EFCAB6: variants seen among roughly 807,000 people sequenced by gnomAD.
The protein encoded by EFCAB6 is EF-hand calcium-binding domain-containing protein 6.
EFCAB6 carries 156 observed loss-of-function variants against 169.8 expected under a neutral mutation model. The ratio of observed to expected loss-of-function variants is 0.92; its 90% CI spans 0.81 to 1.05. The LOEUF (loss-of-function observed/expected upper bound fraction) is 1.05. EFCAB6 is among the 50% of genes least tolerant of loss of function. The pLI, the probability that EFCAB6 is intolerant of heterozygous loss-of-function variation, is 0.00. For missense variants in EFCAB6, 1,800 were observed against 1,829.1 expected, an observed-to-expected ratio of 0.98 and a Z score of 0.29; for synonymous variants, 698 against 676.4, an observed-to-expected ratio of 1.03 and a Z score of -0.50.
intron 26 of EFCAB6, among the ~76,000 whole-genome samples, chr22:43,564,996 G>A (rs2049332286): frequency 6.6e-6 from 1 of 152,214 alleles, no homozygotes; most frequent in East Asian, 1.9e-4. Context: ...CACCCTGTCT[G>A]TGTGCATGCC....
chr22:43,609,228 T>C (rs2053138210), intron 21 of EFCAB6, among the ~76,000 whole-genome samples: 1 of 152,200 alleles, frequency 6.6e-6, no homozygotes, highest in Non-Finnish European at 1.5e-5. Flanking sequence ...TGATACTTAA[T>C]AGTGAAAGAA....
At chr22:43,613,027 A>G (rs1481668240) in intron 21 of EFCAB6, among the ~76,000 whole-genome samples, 1 of 150,516 alleles carries the variant, frequency 6.6e-6, no homozygotes, top group Non-Finnish European at 1.5e-5. Flanking sequence ...TTCCTCAAAG[A>G]GCTAAAAACA....
chr22:43,537,198 ATCC>A lies in EFCAB6; in HGVS notation c.4048+176_4048+178del. On this transcript the variant is annotated intron_variant, in intron 29 of 31. Coordinates refer to ENST00000262726, the MANE Select transcript of EFCAB6 (RefSeq NM_022785.4). The surrounding 1 kb of genome is among the most constrained non-coding windows in gnomAD (Gnocchi z 4.3). The stretch of plus-strand genomic sequence containing the variant: ...CTGCTGGGAGGGCCGGGTAGTCGGA[ATCC>A]TCCTCCATGGGGACCTTTGTATAGT... The A allele has an allele frequency of 1.5e-6, 1 of 685,886 alleles. No individual in the cohort carries two copies. The allele number at this position is 685,886 out of a possible 1,614,324, so 42.5% of individuals were successfully genotyped here. A position where few individuals can be genotyped will look rare whatever the true frequency, so the allele number is the denominator to read the frequency against.
chr22:43,751,445 C>A (rs2060758745), intron 6 of EFCAB6, among the ~76,000 whole-genome samples: 1 of 152,210 alleles, frequency 6.6e-6, no homozygotes, highest in Non-Finnish European at 1.5e-5. Flanking sequence ...CACACTGCAT[C>A]TTTGTTCAAG....
chr22:43,784,541 G>GTGTGTGTGTGTATATA (rs1556409935), intron 2 of EFCAB6, among the ~76,000 whole-genome samples: 2 of 79,722 alleles, frequency 2.5e-5, no homozygotes, highest in African/African-American at 9.1e-5. Context: ...GTGTGTGTGT[G>GTGTGTGTGTGTATATA]TGTATATGTA....
At chr22:43,756,670 C>A (rs1018535531) in intron 5 of EFCAB6, among the ~76,000 whole-genome samples, 9 of 152,034 alleles carry the variant, frequency 5.9e-5, no homozygotes, top group Non-Finnish European at 1.2e-4. Context: ...GGGAAATAAG[C>A]AAACAAGTAA....
At chr22:43,664,537 G>A (rs2057154477) in intron 17 of EFCAB6, among the ~76,000 whole-genome samples, 1 of 152,208 alleles carries the variant, frequency 6.6e-6, no homozygotes, top group South Asian at 2.1e-4. Context: ...GGTGAGGAGG[G>A]TGGACTGCAT....
chr22:43,671,233 C>A (rs1369682358), intron 15 of EFCAB6, among the ~76,000 whole-genome samples: 1 of 152,006 alleles, frequency 6.6e-6, no homozygotes, highest in Non-Finnish European at 1.5e-5. Context: ...TGGAGTTTTG[C>A]TCTAGTTGCC....
intron 2 of EFCAB6, among the ~76,000 whole-genome samples, chr22:43,798,434 A>G (rs2062590294): frequency 6.6e-6 from 1 of 152,066 alleles, no homozygotes; most frequent in African/African-American, 2.4e-5. Flanking sequence ...CTGAGAACTG[A>G]GGCCCTAAAT....
intron 10 of EFCAB6, among the ~76,000 whole-genome samples, chr22:43,689,691 G>A (rs9626011): frequency 6.6e-6 from 1 of 152,264 alleles, no homozygotes; most frequent in Non-Finnish European, 1.5e-5. Context: ...TCAATTCCTA[G>A]AGGAGGCCGA....
At chr22:43,544,228 C>T (rs1260200163) in intron 27 of EFCAB6, among the ~76,000 whole-genome samples, 1 of 151,980 alleles carries the variant, frequency 6.6e-6, no homozygotes, top group East Asian at 1.9e-4. Context: ...CACTATGGTC[C>T]CCTCACTCTC....
chr22:43,657,428 T>TAA (rs149040997), intron 17 of EFCAB6, among the ~76,000 whole-genome samples: 84 of 145,832 alleles, frequency 5.8e-4, no homozygotes, highest in South Asian at 2.8e-3. Flanking sequence ...AATCAATCAT[T>TAA]AAAAAAAAAA....
At chr22:43,708,491 T>A in intron 10 of EFCAB6, among the ~76,000 whole-genome samples, 1 of 150,660 alleles carries the variant, frequency 6.6e-6, no homozygotes, top group African/African-American at 2.4e-5. Context: ...AAATAAGAGG[T>A]AGGGGGAAGA....
chr22:43,676,667 T>G (rs928922134), intron 13 of EFCAB6, among the ~76,000 whole-genome samples: 5 of 152,204 alleles, frequency 3.3e-5, no homozygotes, highest in Admixed American at 6.5e-5. Flanking sequence ...CTATTAAAAT[T>G]ACCTCCAGAA....
intron 22 of EFCAB6, among the ~76,000 whole-genome samples, chr22:43,604,642 C>A (rs1037768430): frequency 6.6e-6 from 1 of 152,160 alleles, no homozygotes; most frequent in Non-Finnish European, 1.5e-5. Flanking sequence ...TCTCTCTGGG[C>A]ACTGCTTTGG....
intron 22 of EFCAB6, among the ~76,000 whole-genome samples, chr22:43,600,648 GT>G (rs34244832): frequency 0.51 from 76,891 of 150,788 alleles, 19,779 homozygotes; most frequent in East Asian, 0.63. Flanking sequence ...GTTTAGCAGG[GT>G]TTTTTTTTTG....
Position 43,529,123 on chromosome 22 carries a change from C to T in EFCAB6, c.4384-148G>A, listed in dbSNP as rs2046910382. 7.6e-6 allele frequency: 7 copies of T among 917,880 alleles called. No homozygotes were observed. The South Asian group carries it at 1.3e-4, about 17-fold the overall frequency. 56.9% of individuals were successfully genotyped at this position (917,880 alleles called of 1,614,324 possible). On this transcript the variant is annotated intron_variant, in intron 31 of 31. Coordinates refer to ENST00000262726, the MANE Select transcript of EFCAB6 (RefSeq NM_022785.4). ...CTCCCATCTGTGCGCTCTCTCTATG[C>T]CCTCTCAACCTCTGCCCAAACAGGA...
intron 19 of EFCAB6, among the ~76,000 whole-genome samples, chr22:43,630,853 C>A (rs943626755): frequency 6.6e-6 from 1 of 152,186 alleles, no homozygotes; most frequent in Non-Finnish European, 1.5e-5. Flanking sequence ...TGGATGAGAT[C>A]ATTAGGACCA....
chr22:43,677,757 A>T (rs1206379468), intron 13 of EFCAB6, among the ~76,000 whole-genome samples: 2 of 152,180 alleles, frequency 1.3e-5, no homozygotes, highest in African/African-American at 4.8e-5. Context: ...CTGTATATAA[A>T]GGGCTCTCGT....
Sources: gnomAD v4.1 joint callset for allele counts (sites outside exome capture counted in the v4.1 genomes callset) on GRCh38, gnomAD v4.1.1 for gene constraint, Gnocchi (gnomAD v3.1) non-coding constraint, MANE v1.5 for transcripts, NCBI Gene and HGNC (gene_info 2026-07-23, HGNC 2026-07-21) for gene names.